Variants in ADGRL3 observed in about 807,000 individuals in gnomAD.
The protein encoded by ADGRL3 is calcium-independent alpha-latrotoxin receptor 3.
In ADGRL3, 62 loss-of-function variants were observed where a neutral mutation model predicts 153.5. The ratio of observed to expected loss-of-function variants is 0.40; its 90% CI spans 0.33 to 0.50. ADGRL3 has a LOEUF of 0.50. ADGRL3 is among the 20% of genes least tolerant of loss of function. The probability of loss-of-function intolerance (pLI) is 0.47; values close to 1 mark genes in which losing one functional copy is unlikely to be tolerated. For synonymous variants in ADGRL3, 710 were observed against 672.5 expected, an observed-to-expected ratio of 1.06 and a Z score of -0.86; for missense variants, 1,641 against 1,859.4, an observed-to-expected ratio of 0.88 and a Z score of 2.16.
In ADGRL3 at chr4:61,261,212, A is replaced by G. The variant is rs1467101730; in HGVS notation, c.-240+59447A>G. On this transcript the variant is annotated intron_variant, in intron 1 of 26. Transcript: ENST00000683033. Reference sequence around the variant, plus strand: ...TTCTTTTTTTTTTTTTTTTTTTTTTAAAGGAGACAAGGTCTTGTTATGTTC... The same window carrying G: ...TTCTTTTTTTTTTTTTTTTTTTTTTGAAGGAGACAAGGTCTTGTTATGTTC... Among the ~76,000 whole-genome samples, 553 of 131,860 alleles carry G rather than the reference A, an allele frequency of 4.2e-3. 3 individuals carry two copies. Among genetic ancestry groups the G allele is most frequent in the African/African-American group, 0.015 (525 of 34,986 alleles). The allele number at this position is 131,860 out of a possible 152,430, so 86.5% of individuals were successfully genotyped here. A position where few individuals can be genotyped will look rare whatever the true frequency, so the allele number is the denominator to read the frequency against.
chr4:61,687,555 G>C (rs1477970926), intron 6 of ADGRL3, among the ~76,000 whole-genome samples: 2 of 151,918 alleles, frequency 1.3e-5, no homozygotes, highest in African/African-American at 4.8e-5. Context: ...GACTAGGGAA[G>C]GGTGGGATGT....
intron 6 of ADGRL3, among the ~76,000 whole-genome samples, chr4:61,689,771 TGATC>T (rs2095506370): frequency 6.6e-6 from 1 of 152,156 alleles, no homozygotes; most frequent in African/African-American, 2.4e-5. Context: ...GCTTTCAATA[TGATC>T]TATAATAAGG....
At chr4:61,611,775 A>G (rs1232244697) in intron 5 of ADGRL3, among the ~76,000 whole-genome samples, 1 of 151,960 alleles carries the variant, frequency 6.6e-6, no homozygotes, top group Non-Finnish European at 1.5e-5. Context: ...TTAACAATGT[A>G]TTGGGTGTGG....
chr4:61,417,131 T>A (rs2097152589), intron 2 of ADGRL3, among the ~76,000 whole-genome samples: 1 of 152,116 alleles, frequency 6.6e-6, no homozygotes, highest in Non-Finnish European at 1.5e-5. Flanking sequence ...CCTCCTGCTG[T>A]GCATCCGGGT....
At chr4:61,763,265 G>A (rs1303808378) in intron 8 of ADGRL3, among the ~76,000 whole-genome samples, 1 of 148,056 alleles carries the variant, frequency 6.8e-6, no homozygotes, top group Non-Finnish European at 1.5e-5. Flanking sequence ...TTGGCTCACT[G>A]AAACCTCTGC....
At chr4:61,606,860 C>G (rs1393852545) in intron 5 of ADGRL3, among the ~76,000 whole-genome samples, 1 of 151,870 alleles carries the variant, frequency 6.6e-6, no homozygotes, top group African/African-American at 2.4e-5. Context: ...CATAACAAGT[C>G]CAGATATGAG....
At chr4:61,214,383 A>G (rs1316592519) in intron 1 of ADGRL3, among the ~76,000 whole-genome samples, 1 of 152,236 alleles carries the variant, frequency 6.6e-6, no homozygotes, top group Non-Finnish European at 1.5e-5. Flanking sequence ...CATCTAAAGT[A>G]TCAACTTAAT....
At position 61,733,298 on chromosome 4, in the gene ADGRL3, C is replaced by A; in HGVS notation, c.1143C>A (p.Ala381=). The A allele has an allele frequency of 6.2e-7, 1 of 1,613,678 alleles. No homozygotes were observed. The highest frequency in any genetic ancestry group is 2.2e-5 in the East Asian group (1 of 44,862). The part of the protein sequence containing the change: ...TAYDKRSASN[A]FMICGILYVV... ...ATGATAAAAGGTCAGCTTCCAATGC[C>A]TTTATGATTTGTGGAATTCTGTATG... The change falls in exon 8 of 27, where the codon GCC becomes GCA. Residue 381 remains alanine (A), a synonymous_variant. Transcript: ENST00000683033.
chr4:61,392,696 A>AAAAAAAAAAAG (rs2096825424), intron 2 of ADGRL3, among the ~76,000 whole-genome samples: 1 of 145,886 alleles, frequency 6.9e-6, no homozygotes, highest in Non-Finnish European at 1.5e-5. Context: ...AAAAAAAAAA[A>AAAAAAAAAAAG]AAAAAAAAAA....
chr4:61,927,605 T>C (rs1406168795), intron 13 of ADGRL3, among the ~76,000 whole-genome samples: 4 of 152,104 alleles, frequency 2.6e-5, no homozygotes, highest in Non-Finnish European at 5.9e-5. Context: ...GTACCTTAGG[T>C]TTATTGATCA....
chr4:61,370,258 T>G (rs1455119421), intron 1 of ADGRL3, among the ~76,000 whole-genome samples: 3 of 147,148 alleles, frequency 2.0e-5, no homozygotes, highest in Non-Finnish European at 4.5e-5. Flanking sequence ...TAGTTATTTC[T>G]TGCCTTCTGC....
At chr4:61,897,106 A>T (rs2098636142) in intron 11 of ADGRL3, among the ~76,000 whole-genome samples, 1 of 152,206 alleles carries the variant, frequency 6.6e-6, no homozygotes, top group African/African-American at 2.4e-5. Flanking sequence ...AGCTAATCTT[A>T]GGACAAAAGA....
intron 25 of ADGRL3, among the ~76,000 whole-genome samples, chr4:62,062,530 T>G (rs1277950634): frequency 6.6e-6 from 1 of 152,074 alleles, no homozygotes; most frequent in East Asian, 1.9e-4. Context: ...TTTTTCTTTC[T>G]TTATTCATCT....
chr4:61,388,063 G>A (rs1005618351), intron 2 of ADGRL3, among the ~76,000 whole-genome samples: 6 of 152,052 alleles, frequency 3.9e-5, no homozygotes, highest in African/African-American at 1.4e-4. Context: ...CACAACAAAC[G>A]TATCCATCAT....
intron 5 of ADGRL3, among the ~76,000 whole-genome samples, chr4:61,645,914 C>T (rs2093955675): frequency 1.3e-5 from 2 of 152,218 alleles, no homozygotes; most frequent in African/African-American, 4.8e-5. Context: ...CCATCACTTT[C>T]AGGTACACCA....
chr4:61,405,656 A>AT (rs1311011692), intron 2 of ADGRL3, among the ~76,000 whole-genome samples: 7 of 151,346 alleles, frequency 4.6e-5, no homozygotes, highest in East Asian at 4.1e-4. Context: ...GAGATACAGT[A>AT]TTTTTTAAAA....
chr4:61,274,258 G>A (rs2093352591), intron 1 of ADGRL3, among the ~76,000 whole-genome samples: 1 of 152,110 alleles, frequency 6.6e-6, no homozygotes, highest in South Asian at 2.1e-4. Flanking sequence ...AGTTTAATGA[G>A]CAAATATAAA....
intron 1 of ADGRL3, among the ~76,000 whole-genome samples, chr4:61,245,642 T>G (rs1377769741): frequency 6.6e-6 from 1 of 152,144 alleles, no homozygotes; most frequent in Non-Finnish European, 1.5e-5. Flanking sequence ...TTAGGTTTGT[T>G]TAGTAAATCA....
chr4:61,385,905 GTGTGTA>G (rs1376700964), intron 2 of ADGRL3: 4 of 152,098 alleles, frequency 2.6e-5, no homozygotes, highest in Non-Finnish European at 5.9e-5. Context: ...GTGTTTGTGT[GTGTGTA>G]TGTGTATGTA....
Sources: allele counts gnomAD v4.1 joint callset (sites outside exome capture counted in the v4.1 genomes callset), GRCh38; gene constraint gnomAD v4.1.1; transcripts MANE v1.5; gene names NCBI Gene and HGNC (gene_info 2026-07-23, HGNC 2026-07-21).